The following COX7B2 variants were observed in gnomAD, a reference collection of about 807,000 sequenced individuals.
COX7B2 encodes the protein cytochrome c oxidase subunit 7B2, mitochondrial.
For missense variants in COX7B2, 109 were observed against 95.9 expected (o/e 1.14, Z -0.57); for synonymous variants, 37 against 32.1 (o/e 1.15, Z -0.51).
At chr4:46,883,855 G>A (rs1327416455) in intron 1 of COX7B2, among the ~76,000 whole-genome samples, 2 of 151,532 alleles carry the variant, frequency 1.3e-5, no homozygotes, top group African/African-American at 4.8e-5. Context: ...TCAGAATGAA[G>A]TTTCAAACAT....
chr4:46,810,142 G>A (rs548425965), intron 2 of COX7B2, among the ~76,000 whole-genome samples: 1 of 151,958 alleles, frequency 6.6e-6, no homozygotes, highest in Admixed American at 6.6e-5. Context: ...GCTTGAGTGG[G>A]TCTCTTTCAG....
At chr4:46,797,058 A>T (rs1718392656) in intron 2 of COX7B2, among the ~76,000 whole-genome samples, 1 of 110,306 alleles carries the variant, frequency 9.1e-6, no homozygotes, top group South Asian at 3.9e-4. Flanking sequence ...TAACCTGCAC[A>T]ATGTGCACAT....
chr4:46,833,619 G>C (rs1715315671), intron 2 of COX7B2, among the ~76,000 whole-genome samples: 1 of 152,086 alleles, frequency 6.6e-6, no homozygotes, highest in South Asian at 2.1e-4. Context: ...AGAAGTATTG[G>C]GGAAAGGAAG....
intron 1 of COX7B2, among the ~76,000 whole-genome samples, chr4:46,869,068 T>A (rs544709999): frequency 6.6e-6 from 1 of 152,212 alleles, no homozygotes; most frequent in Non-Finnish European, 1.5e-5. Flanking sequence ...GTTGGGTGCA[T>A]ACATATTTAG....
At chr4:46,893,275 T>C (rs1011760545) in intron 1 of COX7B2, among the ~76,000 whole-genome samples, 4 of 152,168 alleles carry the variant, frequency 2.6e-5, no homozygotes, top group Admixed American at 6.5e-5. Context: ...CTTACTTGGC[T>C]ATAAAAATTT....
chr4:46,854,753 A>T (rs986509926), intron 1 of COX7B2, among the ~76,000 whole-genome samples: 3 of 152,222 alleles, frequency 2.0e-5, no homozygotes, highest in African/African-American at 7.2e-5. Flanking sequence ...AGATGCAGTC[A>T]TTAAAGTAAT....
At chr4:46,782,523 G>A (rs951912456) in intron 2 of COX7B2, among the ~76,000 whole-genome samples, 3 of 151,132 alleles carry the variant, frequency 2.0e-5, no homozygotes, top group African/African-American at 7.3e-5. Flanking sequence ...TGGGGGCGGG[G>A]GTCCCATAAG....
chr4:46,888,545 G>A (rs1719223625), intron 1 of COX7B2, among the ~76,000 whole-genome samples: 1 of 151,452 alleles, frequency 6.6e-6, no homozygotes, highest in Non-Finnish European at 1.5e-5. Context: ...CCAGGTTCAC[G>A]CCATTCTCCT....
intron 1 of COX7B2, among the ~76,000 whole-genome samples, chr4:46,879,496 C>A (rs1718568804): frequency 1.3e-5 from 2 of 151,690 alleles, no homozygotes; most frequent in South Asian, 2.1e-4. Flanking sequence ...CCCACCTCAG[C>A]CTCCTAAAGT....
chr4:46,796,243 T>A (rs1463613655), intron 2 of COX7B2, among the ~76,000 whole-genome samples: 3 of 148,076 alleles, frequency 2.0e-5, no homozygotes, highest in Non-Finnish European at 4.4e-5. Flanking sequence ...CTATGTTGAA[T>A]AGGAGCGGTG....
chr4:46,773,092 A>C (rs1716963845), intron 2 of COX7B2, among the ~76,000 whole-genome samples: 1 of 152,184 alleles, frequency 6.6e-6, no homozygotes. Flanking sequence ...TTTGCAACAC[A>C]TGAAATACGA....
At chr4:46,761,574 G>A (rs1213287214) in intron 2 of COX7B2, among the ~76,000 whole-genome samples, 10 of 152,110 alleles carry the variant, frequency 6.6e-5, no homozygotes, top group Admixed American at 3.9e-4. Flanking sequence ...ATTTCAGGCT[G>A]AGAATGCATT....
chr4:46,845,320 G>C (rs1716194900), intron 1 of COX7B2, among the ~76,000 whole-genome samples: 1 of 151,770 alleles, frequency 6.6e-6, no homozygotes, highest in Non-Finnish European at 1.5e-5. Flanking sequence ...ACCTTCATGA[G>C]TCACCACTCA....
At chr4:46,880,951 A>G (rs549631685) in intron 1 of COX7B2, among the ~76,000 whole-genome samples, 174 of 144,056 alleles carry the variant, frequency 1.2e-3, no homozygotes, top group African/African-American at 4.0e-3. Context: ...TATGTAACTA[A>G]CCTGCACAAT....
Position 46,907,848 on chromosome 4 carries a change from C to T in COX7B2, c.-105+1312G>A, listed in dbSNP as rs1322081896. Among the ~76,000 whole-genome samples, 229 of 59,656 alleles carry T rather than the reference C, an allele frequency of 3.8e-3. 3 individuals carry two copies. The highest frequency in any genetic ancestry group is 0.036 in the Middle Eastern group (2 of 56). 39.1% of individuals were successfully genotyped at this position (59,656 alleles called of 152,430 possible). A position where few individuals can be genotyped will look rare whatever the true frequency, so the allele number is the denominator to read the frequency against. ...TATAAAAGATCAGAATTTGAGCAGACTTTTTTTTTTTTTTTTTTTTTTTTG... is the reference window on the plus strand; with the variant it reads ...TATAAAAGATCAGAATTTGAGCAGATTTTTTTTTTTTTTTTTTTTTTTTTG... On this transcript the variant is annotated intron_variant, in intron 1 of 2. Transcript: ENST00000355591.
At chr4:46,823,165 C>A (rs572708212) in intron 2 of COX7B2, among the ~76,000 whole-genome samples, 1 of 151,998 alleles carries the variant, frequency 6.6e-6, no homozygotes, top group Non-Finnish European at 1.5e-5. Context: ...GAAACAGTGG[C>A]CTCCAAGGTT....
At chr4:46,799,610 T>C (rs1336005800) in intron 2 of COX7B2, among the ~76,000 whole-genome samples, 2 of 152,190 alleles carry the variant, frequency 1.3e-5, no homozygotes, top group African/African-American at 4.8e-5. Context: ...TCTATGGAGA[T>C]AATTAGATGG....
At chr4:46,774,453 A>G (rs1225533090) in intron 2 of COX7B2, among the ~76,000 whole-genome samples, 1 of 152,020 alleles carries the variant, frequency 6.6e-6, no homozygotes, top group Non-Finnish European at 1.5e-5. Flanking sequence ...TCCATTCTAA[A>G]TATTTTGTGG....
chr4:46,870,022 G>T (rs943741405), intron 1 of COX7B2, among the ~76,000 whole-genome samples: 1 of 152,010 alleles, frequency 6.6e-6, no homozygotes, highest in African/African-American at 2.4e-5. Context: ...GTGATTTGTA[G>T]ATTTGGCCTC....
Sources: gnomAD v4.1 joint callset for allele counts (sites outside exome capture counted in the v4.1 genomes callset) on GRCh38, gnomAD v4.1.1 for gene constraint, MANE v1.5 for transcripts, NCBI Gene and HGNC (gene_info 2026-07-23, HGNC 2026-07-21) for gene names.